The following NTM variants were observed in gnomAD, a reference collection of about 807,000 sequenced individuals.
NTM encodes IgLON family member 2.
NTM carries 13 observed loss-of-function variants against 42.1 expected under a neutral mutation model. The observed-to-expected ratio is 0.31, with a 90% CI of 0.20 to 0.49. The LOEUF (loss-of-function observed/expected upper bound fraction) is 0.49. Among genes scored for constraint, NTM ranks in the 20% least tolerant of loss-of-function variants. NTM has a pLI of 0.99. For missense variants in NTM, 373 were observed against 452.8 expected (o/e 0.82, Z 1.60); for synonymous variants, 187 against 179.2 (o/e 1.04, Z -0.35).
rs143425231 is a variant in NTM, at chr11:131,610,743, C to T, written c.82+239855C>T. On this transcript the variant is annotated intron_variant, in intron 1 of 8. Transcript: ENST00000683400. ...AGACCACACTGGGAATGGAGGAGGG[C>T]GTGAGTAGTAGCATGAGATGAGGAT... Among the ~76,000 whole-genome samples, 1,287 of 152,094 alleles carry T rather than the reference C, an allele frequency of 8.5e-3. 27 individuals carry two copies. The highest frequency in any genetic ancestry group is 0.03 in the African/African-American group (1,229 of 41,472).
chr11:131,721,263 C>T (rs534475531), intron 1 of NTM, among the ~76,000 whole-genome samples: 1 of 152,116 alleles, frequency 6.6e-6, no homozygotes, highest in Non-Finnish European at 1.5e-5. Context: ...ACAATGCTAC[C>T]CTTATTCCGC....
At chr11:131,780,531 A>T (rs996308063) in intron 1 of NTM, among the ~76,000 whole-genome samples, 2 of 152,194 alleles carry the variant, frequency 1.3e-5, no homozygotes, top group African/African-American at 4.8e-5. Flanking sequence ...TGGTTCATTA[A>T]TTCAAATACC....
chr11:131,448,210 T>G (rs890359983), intron 1 of NTM, among the ~76,000 whole-genome samples: 2 of 152,210 alleles, frequency 1.3e-5, no homozygotes, highest in African/African-American at 4.8e-5. Flanking sequence ...GCTGCCTTTG[T>G]CCTCCCACCT....
intron 3 of NTM, among the ~76,000 whole-genome samples, chr11:132,204,123 A>G (rs2081581880): frequency 6.6e-6 from 1 of 152,212 alleles, no homozygotes; most frequent in Non-Finnish European, 1.5e-5. Context: ...AGACCTGGGC[A>G]GTTGGTTGCC....
chr11:132,162,239 T>C (rs974227012), intron 3 of NTM, among the ~76,000 whole-genome samples: 1 of 151,134 alleles, frequency 6.6e-6, no homozygotes, highest in Non-Finnish European at 1.5e-5. Context: ...ATGGGGAGTG[T>C]GTATGTGAGT....
intron 1 of NTM, among the ~76,000 whole-genome samples, chr11:131,414,764 C>T (rs1392198242): frequency 6.6e-6 from 1 of 152,204 alleles, no homozygotes; most frequent in Non-Finnish European, 1.5e-5. Flanking sequence ...CTGCCTATTT[C>T]TTCATTTACA....
chr11:131,879,780 G>A (rs2049179160), intron 1 of NTM, among the ~76,000 whole-genome samples: 2 of 152,076 alleles, frequency 1.3e-5, no homozygotes, highest in Non-Finnish European at 1.5e-5. Context: ...CTCTTCTCTT[G>A]CAGTCTTAAA....
chr11:131,853,228 C>G (rs181172630), intron 1 of NTM, among the ~76,000 whole-genome samples: 1 of 152,108 alleles, frequency 6.6e-6, no homozygotes. Flanking sequence ...CAGACTATTT[C>G]TTTTTTTAAA....
chr11:131,713,701 G>A (rs2077398188), intron 1 of NTM, among the ~76,000 whole-genome samples: 2 of 152,150 alleles, frequency 1.3e-5, no homozygotes, highest in Admixed American at 6.5e-5. Context: ...AGTATGCTGT[G>A]TTGTTAGCGT....
At chr11:131,514,839 G>A (rs1168220736) in intron 1 of NTM, among the ~76,000 whole-genome samples, 1 of 152,046 alleles carries the variant, frequency 6.6e-6, no homozygotes, top group Admixed American at 6.6e-5. Context: ...CGATCCTACT[G>A]CCTTGGCTTC....
At chr11:131,790,633 G>T (rs1213605043) in intron 1 of NTM, among the ~76,000 whole-genome samples, 1 of 152,148 alleles carries the variant, frequency 6.6e-6, no homozygotes, top group East Asian at 1.9e-4. Flanking sequence ...TTCACCTGGG[G>T]TCCTCACAGA....
At chr11:131,371,049 G>T (rs1941101168) in intron 1 of NTM, 161 bp downstream of exon 1, 1 of 985,304 alleles carries the variant, frequency 1.0e-6, no homozygotes. Context: ...CGACTAGGCT[G>T]TGAGAATATT....
At chr11:131,868,131 G>A (rs1021417496) in intron 1 of NTM, among the ~76,000 whole-genome samples, 1 of 152,174 alleles carries the variant, frequency 6.6e-6, no homozygotes, top group Non-Finnish European at 1.5e-5. Flanking sequence ...CCTGTAGCCA[G>A]TTTAGAATTA....
chr11:131,682,512 G>A (rs74730600), intron 1 of NTM, among the ~76,000 whole-genome samples: 4,919 of 152,280 alleles, frequency 0.032, 272 homozygotes, highest in African/African-American at 0.11. Context: ...GCTGGAGAGC[G>A]GAGCCCTCTC....
intron 1 of NTM, among the ~76,000 whole-genome samples, chr11:131,778,933 T>G (rs1047002639): frequency 6.6e-6 from 1 of 152,256 alleles, no homozygotes. Context: ...GCCGGTGGGA[T>G]AGTCACCCCT....
At chr11:132,011,758 G>A (rs2072248505) in intron 2 of NTM, among the ~76,000 whole-genome samples, 1 of 152,116 alleles carries the variant, frequency 6.6e-6, no homozygotes, top group Non-Finnish European at 1.5e-5. Context: ...CCAAAATTTA[G>A]GTTCTCTCTA....
chr11:132,147,175 T>TTGTGTGTGTGTG (rs751528769), intron 3 of NTM, among the ~76,000 whole-genome samples: 145 of 123,572 alleles, frequency 1.2e-3, no homozygotes, highest in Non-Finnish European at 1.9e-3. Context: ...CCTTGTATGT[T>TTGTGTGTGTGTG]TGTGTGTGTG....
chr11:131,596,513 T>C (rs2059822898), intron 1 of NTM, among the ~76,000 whole-genome samples: 1 of 152,234 alleles, frequency 6.6e-6, no homozygotes, highest in Admixed American at 6.5e-5. Context: ...ATACTCCATC[T>C]GGGTTTTCCT....
intron 1 of NTM, among the ~76,000 whole-genome samples, chr11:131,448,672 T>A (rs919850167): frequency 2.0e-5 from 3 of 152,156 alleles, no homozygotes; most frequent in Admixed American, 2.0e-4. Flanking sequence ...ACCGACCCTG[T>A]CCTTGAGGCA....
Sources: allele counts gnomAD v4.1 joint callset (sites outside exome capture counted in the v4.1 genomes callset), GRCh38; gene constraint gnomAD v4.1.1; transcripts MANE v1.5; gene names NCBI Gene and HGNC (gene_info 2026-07-23, HGNC 2026-07-21).